The following MGA variants were observed in gnomAD, a reference collection of about 807,000 sequenced individuals.
The protein encoded by MGA is MAX dimerization protein MGA.
A neutral mutation model predicts 261.1 loss-of-function variants in MGA; 40 were observed. That is an observed-to-expected ratio of 0.15 (90% CI 0.12 to 0.20). MGA has a LOEUF of 0.20. Ranked by LOEUF, MGA falls within the 10% of genes least tolerant of loss-of-function variation. The pLI is 1.00. For missense variants in MGA, 3,397 were observed against 3,630.5 expected (o/e 0.94, Z 1.65); for synonymous variants, 1,302 against 1,290.6 (o/e 1.01, Z -0.19).
intron 1 of MGA, among the ~76,000 whole-genome samples, chr15:41,665,358 G>A (rs1023525284): frequency 1.3e-5 from 2 of 151,800 alleles, no homozygotes; most frequent in Non-Finnish European, 2.9e-5. Flanking sequence ...TGGCATATGA[G>A]TTCGGTTGAT....
rs1474649436 is a variant in MGA, at chr15:41,766,519, A to T, written c.8437A>T (p.Met2813Leu). 7.4e-6 allele frequency: 12 copies of T among 1,613,976 alleles called. No individual in the cohort carries two copies. Among genetic ancestry groups the T allele is most frequent in the Non-Finnish European group, 1.0e-5 (12 of 1,179,888 alleles). The change falls in exon 24 of 24, where the codon ATG (methionine) becomes TTG (leucine). Residue 2813 changes from methionine (M) to leucine (L), a missense_variant. By Grantham distance (15) the Met-to-Leu change is conservative. This residue lies in a region of MGA where 647 missense variants were observed against 642.4 expected (regional missense o/e 1.01). Coordinates refer to ENST00000219905, the MANE Select transcript of MGA (RefSeq NM_001164273.2). Reference sequence around the variant, plus strand: ...TGATTCCAGTGAACTGCTGACTAACATGGAAGATGAGGATGATACTGATGA... The same window carrying T: ...TGATTCCAGTGAACTGCTGACTAACTTGGAAGATGAGGATGATACTGATGA...
chr15:41,749,939 A>G lies in MGA; in HGVS notation c.6332A>G (p.Asp2111Gly). The change falls in exon 17 of 24, where the codon GAT becomes GGT. Residue 2111 changes from aspartate to glycine, a missense_variant. By Grantham distance (94) the Asp-to-Gly change is moderately conservative (BLOSUM62 -1). Coordinates refer to ENST00000219905, the MANE Select transcript of MGA (RefSeq NM_001164273.2). ...AAAGTACAGCATCAAAAACTTGGTG[A>G]TGTGAAGGTGGAACAGCAGAAAGGA... is the stretch of plus-strand genomic sequence containing the variant. 1 of 1,613,822 alleles carries G rather than the reference A, an allele frequency of 6.2e-7. No individual in the cohort carries two copies. Among genetic ancestry groups the G allele is most frequent in the Non-Finnish European group, 8.5e-7 (1 of 1,179,844 alleles).
At chr15:41,642,311 G>GTT (rs766480352) in intron 1 of MGA, among the ~76,000 whole-genome samples, 14 of 136,056 alleles carry the variant, frequency 1.0e-4, no homozygotes, top group South Asian at 2.3e-4. Flanking sequence ...AATTTGTGGT[G>GTT]TTTTTTTTTT....
At chr15:41,660,387 G>C (rs1160021262), upstream of MGA, 1 of 152,658 alleles carries the variant, frequency 6.6e-6, no homozygotes, top group Non-Finnish European at 1.5e-5. Flanking sequence ...GTAGGAGCGC[G>C]TGCGCGGTGA....
At chr15:41,642,550 C>T (rs1446767782) in intron 1 of MGA, among the ~76,000 whole-genome samples, 15 of 152,072 alleles carry the variant, frequency 9.9e-5, no homozygotes, top group Non-Finnish European at 2.2e-4. Flanking sequence ...GTGGTGCGAT[C>T]TCAGCTCACT....
At chr15:41,741,296 G>A (rs1312255836) in intron 14 of MGA, among the ~76,000 whole-genome samples, 3 of 117,462 alleles carry the variant, frequency 2.6e-5, no homozygotes, top group South Asian at 2.8e-4. Flanking sequence ...GCAGTAATCC[G>A]AAATCGTGCC....
At chr15:41,656,120 G>A (rs1194428979), upstream of MGA, among the ~76,000 whole-genome samples, 3 of 152,082 alleles carry the variant, frequency 2.0e-5, no homozygotes, top group Non-Finnish European at 4.4e-5. Context: ...GAAATACAGG[G>A]TACTATGAGA....
chr15:41,691,563 C>T (rs1456792846), intron 2 of MGA: 2 of 458,546 alleles, frequency 4.4e-6, no homozygotes, highest in Admixed American at 4.3e-5. Context: ...ATCTCTAGTA[C>T]AAGTAAGTAG....
intron 2 of MGA, among the ~76,000 whole-genome samples, chr15:41,672,595 T>C (rs2058120200): frequency 6.6e-6 from 1 of 152,234 alleles, no homozygotes; most frequent in Non-Finnish European, 1.5e-5. Flanking sequence ...ACTTGAATCA[T>C]GCTCCAAGAA....
chr15:41,701,118 G>A (rs1419505864), intron 5 of MGA, among the ~76,000 whole-genome samples: 2 of 152,224 alleles, frequency 1.3e-5, no homozygotes, highest in East Asian at 3.9e-4. Flanking sequence ...GCTGTTTATT[G>A]TCAGCTTTAG....
Position 41,696,268 on chromosome 15 carries a change from G to T in MGA, c.1258G>T (p.Asp420Tyr). 3 of 1,613,888 alleles carry T rather than the reference G, an allele frequency of 1.9e-6. No individual in the cohort carries two copies. Among genetic ancestry groups the T allele is most frequent in the Non-Finnish European group, 2.5e-6 (3 of 1,179,898 alleles). Residue 420 changes from aspartate to tyrosine, a missense_variant, in exon 3 of 24, where the codon GAT (aspartate) becomes TAT (tyrosine). Physicochemically the swap from Asp to Tyr is radical, Grantham distance 160. This residue lies in a region of MGA where 563 missense variants were observed against 563.6 expected (regional missense o/e 1.00). Coordinates refer to ENST00000219905, the MANE Select transcript of MGA (RefSeq NM_001164273.2). ...GGATGTATACTCAAACAGTGATGATGATCCTATACTAGAGAAACAGCTAAA... is the reference window on the plus strand; with the variant it reads ...GGATGTATACTCAAACAGTGATGATTATCCTATACTAGAGAAACAGCTAAA...
chr15:41,727,199 T>G lies in MGA; in HGVS notation c.3450T>G (p.Pro1150=). ...GTTAAGCTATATGTGAGACAGAGCC[T>G]GAACAGCCTGTTCGACATTACCCAT... is the stretch of plus-strand genomic sequence containing the variant. The change falls in exon 10 of 24, where the codon CCT becomes CCG. Residue 1150 remains proline (P), a synonymous_variant. Coordinates refer to ENST00000219905, the MANE Select transcript of MGA (RefSeq NM_001164273.2). The G allele has an allele frequency of 6.2e-7, 1 of 1,613,764 alleles. No individual in the cohort carries two copies. The highest frequency in any genetic ancestry group is 1.1e-5 in the South Asian group (1 of 91,056).
At chr15:41,756,448 G>A (rs956645381) in intron 18 of MGA, among the ~76,000 whole-genome samples, 11 of 152,288 alleles carry the variant, frequency 7.2e-5, no homozygotes, top group Middle Eastern at 6.8e-3. Context: ...ATGGGAACTC[G>A]CATACTGCAA....
intron 19 of MGA, among the ~76,000 whole-genome samples, 166 bp downstream of exon 19, chr15:41,758,005 A>G (rs2063240426): frequency 6.6e-6 from 1 of 152,126 alleles, no homozygotes; most frequent in Admixed American, 6.5e-5. Context: ...TTATACTGCT[A>G]ATGTCCTTTT....
At chr15:41,633,817 C>T (rs891309195) in intron 1 of MGA, among the ~76,000 whole-genome samples, 1 of 152,158 alleles carries the variant, frequency 6.6e-6, no homozygotes, top group Non-Finnish European at 1.5e-5. Flanking sequence ...CTGCTCAAAA[C>T]CTTACAGTGA....
chr15:41,675,455 C>T (rs2058323749), intron 2 of MGA, among the ~76,000 whole-genome samples: 1 of 151,730 alleles, frequency 6.6e-6, no homozygotes, highest in South Asian at 2.1e-4. Flanking sequence ...CTTGATGTAG[C>T]CTTGACCTCT....
At chr15:41,692,843 C>G (rs1434088383) in intron 2 of MGA, among the ~76,000 whole-genome samples, 1 of 152,154 alleles carries the variant, frequency 6.6e-6, no homozygotes, top group Non-Finnish European at 1.5e-5. Flanking sequence ...TCCCGAGTAG[C>G]TGGGATTACA....
intron 15 of MGA, among the ~76,000 whole-genome samples, chr15:41,747,588 C>A (rs185621946): frequency 6.7e-6 from 1 of 150,174 alleles, no homozygotes; most frequent in Non-Finnish European, 1.5e-5. Flanking sequence ...AAAGCGTGCA[C>A]CTGTGGTCCC....
At chr15:41,652,876 C>T (rs907021290) in intron 1 of MGA, among the ~76,000 whole-genome samples, 7 of 152,102 alleles carry the variant, frequency 4.6e-5, no homozygotes, top group African/African-American at 1.7e-4. Context: ...TCGTTTAACT[C>T]ATTGTAGCCT....
Sources: gnomAD v4.1 joint callset for allele counts (sites outside exome capture counted in the v4.1 genomes callset) on GRCh38, gnomAD v4.1.1 for gene constraint, gnomAD v4.1.1 regional missense constraint, MANE v1.5 for transcripts, NCBI Gene and HGNC (gene_info 2026-07-23, HGNC 2026-07-21) for gene names.